The following SYNE2 variants were observed in gnomAD, a reference collection of about 807,000 sequenced individuals.
SYNE2 encodes the protein spectrin repeat containing nuclear envelope protein 2.
SYNE2 carries 431 observed loss-of-function variants against 856.3 expected under a neutral mutation model. The observed-to-expected ratio is 0.50, with a 90% CI of 0.47 to 0.55. The LOEUF (loss-of-function observed/expected upper bound fraction) is 0.55. Ranked by LOEUF, SYNE2 falls within the 20% of genes least tolerant of loss-of-function variation. The pLI, the probability that SYNE2 is intolerant of heterozygous loss-of-function variation, is 0.00. For synonymous variants in SYNE2, 2,923 were observed against 2,872.3 expected, an observed-to-expected ratio of 1.02 and a Z score of -0.56; for missense variants, 8,129 against 8,023.2, an observed-to-expected ratio of 1.01 and a Z score of -0.50.
chr14:63,812,505 G>A (rs1888653147), intron 1 of SYNE2, among the ~76,000 whole-genome samples: 1 of 152,108 alleles, frequency 6.6e-6, no homozygotes, highest in Non-Finnish European at 1.5e-5. Context: ...CTCAGTTTAT[G>A]AATATAACAG....
Position 64,068,016 on chromosome 14 carries a change from T to C in SYNE2, c.10431+2366T>C, listed in dbSNP as rs1378700959. On this transcript the variant is annotated intron_variant, in intron 51 of 115. Coordinates refer to ENST00000555002, the MANE Select transcript of SYNE2 (RefSeq NM_182914.3). ...CCCTCTCTAGACCGGACTTTACAAT[T>C]GACCGTGAACCTGAAAGTTTTATAA... is the stretch of plus-strand genomic sequence containing the variant. Among the ~76,000 whole-genome samples the C allele has an allele frequency of 3.9e-5, 6 of 152,192 alleles. No homozygotes were observed. In the East Asian group the frequency reaches 1.2e-3, roughly 29 times the overall value.
chr14:63,894,973 CT>C (rs2095220448), intron 1 of SYNE2, among the ~76,000 whole-genome samples: 1 of 152,164 alleles, frequency 6.6e-6, no homozygotes, highest in Non-Finnish European at 1.5e-5. Flanking sequence ...CGTAGGGATG[CT>C]TTAGCATGTT....
In SYNE2 at chr14:64,223,197, A is replaced by G; in HGVS notation, c.20199A>G (p.Glu6733=). The part of the protein sequence containing the change: ...LECRRELMQL[E]KELVERQPQV... ...ACTTTATCTGTTTTCAGCAACTGGA[A>G]AAGGAGCTGGTAGAACGTCAACCTC... Residue 6733 remains glutamate, a synonymous_variant, in exon 113 of 116, where the codon GAA becomes GAG. Coordinates refer to ENST00000555002, the MANE Select transcript of SYNE2 (RefSeq NM_182914.3). The G allele has an allele frequency of 6.2e-7, 1 of 1,613,812 alleles. No homozygotes were observed. The highest frequency in any genetic ancestry group is 1.3e-5 in the African/African-American group (1 of 75,040).
upstream of SYNE2, chr14:63,852,932 G>A (rs934478752): frequency 2.6e-5 from 4 of 152,004 alleles, no homozygotes; most frequent in Non-Finnish European, 5.9e-5. Context: ...GGGACCCGGA[G>A]GCGGGCGGCG....
chr14:63,914,001 C>G (rs1024040352), intron 2 of SYNE2, among the ~76,000 whole-genome samples: 5 of 152,142 alleles, frequency 3.3e-5, no homozygotes, highest in Admixed American at 6.6e-5. Context: ...CTGTGCCTGG[C>G]CATAAATGGC....
Position 64,171,381 on chromosome 14 carries a change from A to C in SYNE2, c.17235+919A>C, listed in dbSNP as rs113859652. On this transcript the variant is annotated intron_variant, in intron 94 of 115. Coordinates refer to ENST00000555002, the MANE Select transcript of SYNE2 (RefSeq NM_182914.3). ...GGATGGAGAGAAGACCTTCGCTCTCATAAGGGCAGACAAAGTAGTAAACCA... is the reference window on the plus strand; with the variant it reads ...GGATGGAGAGAAGACCTTCGCTCTCCTAAGGGCAGACAAAGTAGTAAACCA... Among the ~76,000 whole-genome samples, 107 of 152,362 alleles carry C rather than the reference A, an allele frequency of 7.0e-4. 1 individual carries two copies. The highest frequency in any genetic ancestry group is 2.5e-3 in the African/African-American group (103 of 41,586).
intron 1 of SYNE2, among the ~76,000 whole-genome samples, chr14:63,810,841 C>CT (rs1410923143): frequency 6.6e-6 from 1 of 151,994 alleles, no homozygotes; most frequent in Non-Finnish European, 1.5e-5. Flanking sequence ...AGTGAGTATC[C>CT]TTTTTTTATT....
At chr14:64,028,805 C>T (rs2097004336) in intron 43 of SYNE2, among the ~76,000 whole-genome samples, 1 of 152,014 alleles carries the variant, frequency 6.6e-6, no homozygotes. Context: ...TTATCAGTGC[C>T]CCTCCCTCAG....
At chr14:63,814,844 CCATATATA>C (rs1888828242) in intron 1 of SYNE2, among the ~76,000 whole-genome samples, 4 of 103,388 alleles carry the variant, frequency 3.9e-5, no homozygotes, top group African/African-American at 1.4e-4. Flanking sequence ...ATACATATCT[CCATATATA>C]TCCATATATA....
rs79812562 is a variant in SYNE2 at position 64,126,862 on chromosome 14, C to A, written c.13917+55C>A. The A allele has an allele frequency of 0.019, 28,666 of 1,523,474 alleles. 336 individuals carry two copies. Among genetic ancestry groups the A allele is most frequent in the Non-Finnish European group, 0.022 (24,381 of 1,110,950 alleles). 94.4% of individuals were successfully genotyped at this position (1,523,474 alleles called of 1,614,324 possible). On this transcript the variant is annotated intron_variant, in intron 73 of 115. Coordinates refer to ENST00000555002, the MANE Select transcript of SYNE2 (RefSeq NM_182914.3). ...GCACTGTTTTAAGTTACAGCATGAACCCCTAATGCCTATTCCTATTCCTGG... is the reference window on the plus strand; with the variant it reads ...GCACTGTTTTAAGTTACAGCATGAAACCCTAATGCCTATTCCTATTCCTGG...
Position 63,867,001 on chromosome 14 carries a change from G to A in SYNE2, c.-52+13858G>A, listed in dbSNP as rs116661656. Among the ~76,000 whole-genome samples the A allele has an allele frequency of 1.8e-3, 268 of 152,240 alleles. 1 individual carries two copies. Among genetic ancestry groups the A allele is most frequent in the African/African-American group, 5.8e-3 (239 of 41,534 alleles). On this transcript the variant is annotated intron_variant, in intron 1 of 115. Transcript: ENST00000555002. ...GTTAATATTTATTTAGTACTCAATT[G>A]GTGCCAGACACTTTACATGCACCAT...
intron 11 of SYNE2, among the ~76,000 whole-genome samples, chr14:63,972,253 A>T (rs1030979049): frequency 6.6e-6 from 1 of 152,208 alleles, no homozygotes; most frequent in African/African-American, 2.4e-5. Flanking sequence ...AATGAAGAAG[A>T]TATTGTCTAT....
intron 1 of SYNE2, among the ~76,000 whole-genome samples, chr14:63,889,813 T>C (rs1332047390): frequency 6.6e-6 from 1 of 152,072 alleles, no homozygotes; most frequent in Non-Finnish European, 1.5e-5. Flanking sequence ...TTACATGACA[T>C]GAGAGTCTTC....
rs1329074656 is a variant in SYNE2 at position 64,051,933 on chromosome 14, G to T, written c.8020G>T (p.Ala2674Ser). 1 of 1,613,852 alleles carries T rather than the reference G, an allele frequency of 6.2e-7. No homozygotes were observed. The highest frequency in any genetic ancestry group is 2.2e-5 in the East Asian group (1 of 44,884). ...SMIALTTDLQ[A>S]TKHGFSVLKG... ...GATTGCCTTGACCACTGACCTCCAGGCTACCAAGCATGGATTTTCTGTTTT... is the reference window on the plus strand; with the variant it reads ...GATTGCCTTGACCACTGACCTCCAGTCTACCAAGCATGGATTTTCTGTTTT... The change falls in exon 48 of 116, where the codon GCT becomes TCT. Residue 2674 changes from alanine to serine, a missense_variant. Physicochemically the swap from Ala to Ser is moderately conservative, Grantham distance 99. Transcript: ENST00000555002.
chr14:63,954,586 A>T, intron 7 of SYNE2, 133 bp from the exon 8 acceptor site: 1 of 732,648 alleles, frequency 1.4e-6, no homozygotes, highest in East Asian at 2.7e-5. Context: ...TGGTCACAAG[A>T]TAAAAAATTT....
At position 63,908,290 on chromosome 14, in the gene SYNE2, G is replaced by A. The variant is rs375375404; in HGVS notation, c.-51-808G>A. Among the ~76,000 whole-genome samples the A allele has an allele frequency of 1.8e-4, 27 of 152,256 alleles. No homozygotes were observed. In the South Asian group the frequency reaches 2.3e-3, roughly 13 times the overall value. On this transcript the variant is annotated intron_variant, in intron 1 of 115. Coordinates refer to ENST00000555002, the MANE Select transcript of SYNE2 (RefSeq NM_182914.3). Reference sequence around the variant, plus strand: ...GCAATGCTTGCTTGATCACAAAGCTGTACAATTATCCATCCCTATGTACAC... The same window carrying A: ...GCAATGCTTGCTTGATCACAAAGCTATACAATTATCCATCCCTATGTACAC...
intron 96 of SYNE2, among the ~76,000 whole-genome samples, chr14:64,179,291 C>G (rs1198246152): frequency 2.0e-5 from 3 of 152,116 alleles, no homozygotes; most frequent in Non-Finnish European, 2.9e-5. Context: ...CATGTGCCAT[C>G]AGGCCTGGCT....
intron 1 of SYNE2, among the ~76,000 whole-genome samples, chr14:63,900,428 G>A (rs2095321265): frequency 6.6e-6 from 1 of 152,100 alleles, no homozygotes; most frequent in Admixed American, 6.5e-5. Flanking sequence ...GATGGCAGCA[G>A]GCAAAAAGAG....
In SYNE2 at chr14:63,954,817, T is replaced by C. The variant is rs750258352; in HGVS notation, c.689T>C (p.Met230Thr). ...GCCTTGCGACCAGACCTAATTGACA[T>C]GAAGAGTGTGAAGCATAGATCCAAC... ...IHALRPDLID[M>T]KSVKHRSNKD... The change falls in exon 8 of 116, where the codon ATG (methionine) becomes ACG (threonine). Residue 230 changes from methionine (M) to threonine (T), a missense_variant. Met to Thr is a moderately conservative substitution (Grantham distance 81). Coordinates refer to ENST00000555002, the MANE Select transcript of SYNE2 (RefSeq NM_182914.3). 1 of 1,614,042 alleles carries C rather than the reference T, an allele frequency of 6.2e-7. No individual in the cohort carries two copies. The highest frequency in any genetic ancestry group is 2.2e-5 in the East Asian group (1 of 44,872).
Sources: gnomAD v4.1 joint callset for allele counts (sites outside exome capture counted in the v4.1 genomes callset) on GRCh38, gnomAD v4.1.1 for gene constraint, MANE v1.5 for transcripts, NCBI Gene and HGNC (gene_info 2026-07-23, HGNC 2026-07-21) for gene names.